Variants in GLRA3 observed in about 807,000 individuals in gnomAD.
GLRA3 encodes the protein glycine receptor subunit alpha-3.
In GLRA3, 44 loss-of-function variants were observed where a neutral mutation model predicts 60.4. The ratio of observed to expected loss-of-function variants is 0.73; its 90% CI spans 0.57 to 0.94. The LOEUF (loss-of-function observed/expected upper bound fraction) is 0.94, where lower values mean the gene tolerates loss of function less well. Ranked by LOEUF, GLRA3 falls within the 40% of genes least tolerant of loss-of-function variation. The pLI is 0.00. For synonymous variants in GLRA3, 223 were observed against 192.9 expected, an observed-to-expected ratio of 1.16 and a Z score of -1.29; for missense variants, 508 against 564.6, an observed-to-expected ratio of 0.90 and a Z score of 1.02.
chr4:174,739,820 T>G (rs1320973072), intron 3 of GLRA3, among the ~76,000 whole-genome samples: 14 of 152,210 alleles, frequency 9.2e-5, no homozygotes, highest in Non-Finnish European at 2.1e-4. Flanking sequence ...GCCAACACGG[T>G]AAAGTCAAGA....
At chr4:174,675,913 G>A (rs1308979662) in intron 7 of GLRA3, among the ~76,000 whole-genome samples, 3 of 152,034 alleles carry the variant, frequency 2.0e-5, no homozygotes, top group Admixed American at 6.6e-5. Context: ...AAAGGACTAA[G>A]GGAGCCATGA....
intron 3 of GLRA3, among the ~76,000 whole-genome samples, chr4:174,746,614 C>A (rs895101257): frequency 2.0e-5 from 3 of 152,122 alleles, no homozygotes; most frequent in South Asian, 2.1e-4. Flanking sequence ...TACTTAGCAA[C>A]AATATCATGT....
intron 9 of GLRA3, among the ~76,000 whole-genome samples, chr4:174,652,718 C>CAGAAAAT (rs1472374998): frequency 6.6e-6 from 1 of 151,968 alleles, no homozygotes; most frequent in Non-Finnish European, 1.5e-5. Context: ...TAGAGACAGA[C>CAGAAAAT]AGAAAATAGA....
At chr4:174,784,150 T>A (rs1490229202) in intron 2 of GLRA3, among the ~76,000 whole-genome samples, 2 of 133,032 alleles carry the variant, frequency 1.5e-5, no homozygotes, top group African/African-American at 2.8e-5. Flanking sequence ...TAAAAAATGA[T>A]GAGTTCATGT....
intron 3 of GLRA3, among the ~76,000 whole-genome samples, chr4:174,748,083 A>G (rs1737321500): frequency 6.6e-6 from 1 of 152,216 alleles, no homozygotes; most frequent in Admixed American, 6.5e-5. Flanking sequence ...TACAGAGCAT[A>G]TGTGTAGCAA....
At chr4:174,684,880 GCA>G (rs1734496219) in intron 5 of GLRA3, among the ~76,000 whole-genome samples, 2 of 152,112 alleles carry the variant, frequency 1.3e-5, no homozygotes, top group African/African-American at 4.8e-5. Context: ...GTGGTGGTGG[GCA>G]CCTCTAATCC....
At chr4:174,815,670 C>T (rs1018014769) in intron 1 of GLRA3, among the ~76,000 whole-genome samples, 4 of 152,202 alleles carry the variant, frequency 2.6e-5, no homozygotes, top group Non-Finnish European at 4.4e-5. Flanking sequence ...ACAGCCCAAG[C>T]TGTACCTTGG....
At chr4:174,654,063 G>A (rs181567258) in intron 9 of GLRA3, among the ~76,000 whole-genome samples, 1 of 152,042 alleles carries the variant, frequency 6.6e-6, no homozygotes. Flanking sequence ...GTTTTCTTCG[G>A]GTATGCATGA....
chr4:174,752,783 T>C (rs78006257), intron 3 of GLRA3, among the ~76,000 whole-genome samples: 83 of 152,244 alleles, frequency 5.5e-4, no homozygotes, highest in African/African-American at 2.0e-3. Flanking sequence ...AATGTTAATA[T>C]ATGTTATAAG....
rs1732628408 is a variant in GLRA3 at position 174,641,688 on chromosome 4, T to A, written c.*2098A>T. 1 of 152,094 alleles carries A rather than the reference T, an allele frequency of 6.6e-6. No individual in the cohort carries two copies. The highest frequency in any genetic ancestry group is 1.5e-5 in the Non-Finnish European group (1 of 67,942). The allele number at this position is 152,094 out of a possible 1,614,324, so 9.4% of individuals were successfully genotyped here. ...TTCTCAAATATGGAAAGAAGTGATG[T>A]CTGTGAATTTCTTTTGGAAGTAAGC... is the stretch of plus-strand genomic sequence containing the variant. On this transcript the variant is annotated 3_prime_UTR_variant, in exon 10 of 10. Transcript: ENST00000274093.
intron 2 of GLRA3, among the ~76,000 whole-genome samples, chr4:174,772,366 G>T (rs565939451): frequency 6.6e-6 from 1 of 152,186 alleles, no homozygotes; most frequent in East Asian, 1.9e-4. Context: ...ACTCACAATG[G>T]TCTCAGGCCT....
intron 1 of GLRA3, among the ~76,000 whole-genome samples, chr4:174,815,860 T>A (rs1740477775): frequency 6.6e-6 from 1 of 152,212 alleles, no homozygotes; most frequent in Non-Finnish European, 1.5e-5. Context: ...TTCCCCATTA[T>A]CTTGGTGACT....
chr4:174,662,293 G>T (rs896865706), intron 7 of GLRA3, among the ~76,000 whole-genome samples: 4 of 152,094 alleles, frequency 2.6e-5, no homozygotes, highest in Non-Finnish European at 5.9e-5. Context: ...ATTTATGAAA[G>T]GTAAGATGTT....
chr4:174,791,232 C>T (rs1193941986), intron 1 of GLRA3, among the ~76,000 whole-genome samples: 3 of 151,986 alleles, frequency 2.0e-5, no homozygotes, highest in Non-Finnish European at 2.9e-5. Flanking sequence ...AGAGGGAAGG[C>T]AATGTGACCA....
At position 174,805,352 on chromosome 4, in the gene GLRA3, G is replaced by T. The variant is rs866034405; in HGVS notation, c.72-16409C>A. On this transcript the variant is annotated intron_variant, in intron 1 of 9. Coordinates refer to ENST00000274093, the MANE Select transcript of GLRA3 (RefSeq NM_006529.4). ...GACTTGATTGTGCATGAATTTTGTGGTTAGGTCATAAAATGCATTGTAACT... is the reference window on the plus strand; with the variant it reads ...GACTTGATTGTGCATGAATTTTGTGTTTAGGTCATAAAATGCATTGTAACT... 3.3e-5 allele frequency among the ~76,000 whole-genome samples: 5 copies of T among 152,032 alleles called. 1 individual carries two copies. Among genetic ancestry groups the T allele is most frequent in the Non-Finnish European group, 4.4e-5 (3 of 68,006 alleles).
chr4:174,776,600 TCAAA>T (rs774951076), intron 2 of GLRA3, among the ~76,000 whole-genome samples: 17 of 152,120 alleles, frequency 1.1e-4, no homozygotes, highest in Admixed American at 2.6e-4. Context: ...TAGAAAGCAA[TCAAA>T]CAAATTAGAA....
At chr4:174,725,799 G>C (rs1736300168) in intron 4 of GLRA3, among the ~76,000 whole-genome samples, 1 of 152,072 alleles carries the variant, frequency 6.6e-6, no homozygotes, top group Admixed American at 6.6e-5. Context: ...TTGTCATTTG[G>C]ATGTTGCTAT....
Position 174,827,740 on chromosome 4 carries a change from G to A in GLRA3, c.71+1001C>T, listed in dbSNP as rs190402522. 8.4e-4 allele frequency among the ~76,000 whole-genome samples: 128 copies of A among 152,080 alleles called. 1 individual carries two copies. The highest frequency in any genetic ancestry group is 3.0e-3 in the African/African-American group (124 of 41,556). On this transcript the variant is annotated intron_variant, in intron 1 of 9. Transcript: ENST00000274093. ...TATAACTTTCTATAAGGTAGTTTGA[G>A]ATACACTATTGGTTTTTATAAGGTA...
intron 3 of GLRA3, among the ~76,000 whole-genome samples, chr4:174,749,578 AAAG>A (rs1304077088): frequency 6.6e-6 from 1 of 152,170 alleles, no homozygotes; most frequent in African/African-American, 2.4e-5. Flanking sequence ...AAGCCATAGC[AAAG>A]AATAATGTCA....
Sources: gnomAD v4.1 joint callset for allele counts (sites outside exome capture counted in the v4.1 genomes callset) on GRCh38, gnomAD v4.1.1 for gene constraint, MANE v1.5 for transcripts, NCBI Gene and HGNC (gene_info 2026-07-23, HGNC 2026-07-21) for gene names.